Variants in DIAPH2 observed in about 807,000 individuals in gnomAD.
DIAPH2 encodes the protein protein diaphanous homolog 2.
In DIAPH2, 35 loss-of-function variants were observed where a neutral mutation model predicts 92.7. The observed-to-expected ratio is 0.38, with a 90% confidence interval of 0.29 to 0.50. DIAPH2 has a LOEUF of 0.50. Ranked by LOEUF, DIAPH2 falls within the 20% of genes least tolerant of loss-of-function variation. DIAPH2 has a pLI of 0.94. For synonymous variants in DIAPH2, 301 were observed against 280.4 expected, an observed-to-expected ratio of 1.07 and a Z score of -0.73; for missense variants, 701 against 819.5, an observed-to-expected ratio of 0.86 and a Z score of 1.77.
intron 26 of DIAPH2, among the ~76,000 whole-genome samples, chrX:97,509,727 C>A (rs1000867932): frequency 9.6e-6 from 1 of 104,341 alleles, no homozygotes; most frequent in African/African-American, 3.5e-5. Flanking sequence ...TCTCGTTGTT[C>A]AATTCCCATC....
intron 25 of DIAPH2, among the ~76,000 whole-genome samples, chrX:97,407,420 G>A (rs2069820987): frequency 1.8e-5 from 2 of 111,246 alleles, no homozygotes; most frequent in Admixed American, 9.6e-5. Context: ...TACACAATTT[G>A]CCTATTTGGA....
chrX:97,145,790 C>G (rs2067242753), intron 22 of DIAPH2, among the ~76,000 whole-genome samples: 1 of 110,327 alleles, frequency 9.1e-6, no homozygotes, highest in Non-Finnish European at 1.9e-5. Context: ...CACATTCTGC[C>G]TGCTTGCATC....
At chrX:96,901,261 A>G (rs2065391781) in intron 5 of DIAPH2, among the ~76,000 whole-genome samples, 1 of 110,255 alleles carries the variant, frequency 9.1e-6, no homozygotes, top group African/African-American at 3.3e-5. Context: ...AGGTCTTCAT[A>G]GTAGTCTTGA....
intron 17 of DIAPH2, among the ~76,000 whole-genome samples, chrX:97,061,296 A>G (rs1291672999): frequency 8.9e-6 from 1 of 112,256 alleles, no homozygotes; most frequent in East Asian, 2.8e-4. Flanking sequence ...CATGGTGTCC[A>G]AAAGCAATGA....
chrX:97,591,856 C>T (rs1431680234), intron 26 of DIAPH2, among the ~76,000 whole-genome samples: 1 of 112,186 alleles, frequency 8.9e-6, no homozygotes, highest in Non-Finnish European at 1.9e-5. Flanking sequence ...AAACATAATG[C>T]ATGGCTCATA....
intron 22 of DIAPH2, among the ~76,000 whole-genome samples, chrX:97,203,652 C>G (rs1178116421): frequency 9.0e-6 from 1 of 111,443 alleles, no homozygotes; most frequent in Non-Finnish European, 1.9e-5. Context: ...TAGACCAATA[C>G]CAAGTTCTGA....
chrX:97,590,922 G>T, intron 26 of DIAPH2, among the ~76,000 whole-genome samples: 1 of 111,837 alleles, frequency 8.9e-6, no homozygotes, highest in East Asian at 2.8e-4. Flanking sequence ...AAAATTACAT[G>T]TTTATTGAAA....
At chrX:97,451,984 A>C (rs753642933) in intron 26 of DIAPH2, among the ~76,000 whole-genome samples, 8 of 111,545 alleles carry the variant, frequency 7.2e-5, no homozygotes, top group African/African-American at 2.6e-4. Context: ...AAATTTTTGA[A>C]AGGAAAATTA....
chrX:97,463,532 A>G lies in DIAPH2; in HGVS notation c.3241+33787A>G, dbSNP rs113575062. Among the ~76,000 whole-genome samples, 362 of 109,740 alleles carry G rather than the reference A, an allele frequency of 3.3e-3. 3 individuals carry two copies. The highest frequency in any genetic ancestry group is 4.9e-3 in the Non-Finnish European group (259 of 52,669). On this transcript the variant is annotated intron_variant, in intron 26 of 26. Coordinates refer to ENST00000324765, the MANE Select transcript of DIAPH2 (RefSeq NM_006729.5). ...CAGCCCCCCAAGTAGCTGGGACTAT[A>G]GGCACACACTACCACACCTGGCTAA...
chrX:97,193,012 C>CTTTTCTTTTTTTTT lies in DIAPH2; in HGVS notation c.2719+51222_2719+51223insCTTTTTTTTTTTTT, dbSNP rs1256888466. On this transcript the variant is annotated intron_variant, in intron 22 of 26. Coordinates refer to ENST00000324765, the MANE Select transcript of DIAPH2 (RefSeq NM_006729.5). ...ATTTCTTTCTTTTTCTTTTTCTTTT[C>CTTTTCTTTTTTTTT]TTTTTTTTTTTTTTTTTTGAGACAG... Among the ~76,000 whole-genome samples the CTTTTCTTTTTTTTT allele has an allele frequency of 5.0e-4, 43 of 86,578 alleles. 1 individual carries two copies. The highest frequency in any genetic ancestry group is 2.0e-3 in the African/African-American group (39 of 19,773). 75.2% of individuals were successfully genotyped at this position (86,578 alleles called of 115,157 possible).
At chrX:96,847,057 C>T (rs1202757261) in intron 4 of DIAPH2, among the ~76,000 whole-genome samples, 1 of 111,223 alleles carries the variant, frequency 9.0e-6, no homozygotes, top group Non-Finnish European at 1.9e-5. Context: ...CTCCTTTGTC[C>T]CCATCCCCAC....
chrX:97,259,337 A>T (rs1378387313), intron 23 of DIAPH2, among the ~76,000 whole-genome samples: 1 of 111,673 alleles, frequency 9.0e-6, no homozygotes, highest in Non-Finnish European at 1.9e-5. Context: ...AAAAAAAAAG[A>T]TCAAAAATGT....
intron 22 of DIAPH2, among the ~76,000 whole-genome samples, chrX:97,237,910 A>G (rs555771903): frequency 8.9e-6 from 1 of 112,715 alleles, no homozygotes; most frequent in African/African-American, 3.2e-5. Context: ...TGACGAGAAC[A>G]AACCATTCCA....
At chrX:97,308,432 T>G (rs1222644828) in intron 23 of DIAPH2, among the ~76,000 whole-genome samples, 1 of 110,018 alleles carries the variant, frequency 9.1e-6, no homozygotes, top group African/African-American at 3.3e-5. Context: ...TTACTTTGCT[T>G]GCTATACTCC....
chrX:96,735,218 AATTT>A (rs1864514681), intron 1 of DIAPH2, among the ~76,000 whole-genome samples: 1 of 111,933 alleles, frequency 8.9e-6, no homozygotes, highest in African/African-American at 3.2e-5. Context: ...AAATATTTCT[AATTT>A]ATTTATAAGG....
chrX:97,515,819 A>G (rs1007693662), intron 26 of DIAPH2, among the ~76,000 whole-genome samples: 1 of 111,024 alleles, frequency 9.0e-6, no homozygotes, highest in Non-Finnish European at 1.9e-5. Flanking sequence ...CTGCTATTTT[A>G]TCAAATGCCA....
chrX:97,350,670 G>T, intron 24 of DIAPH2, among the ~76,000 whole-genome samples: 1 of 112,323 alleles, frequency 8.9e-6, no homozygotes, highest in Non-Finnish European at 1.9e-5. Context: ...GTCCTTTCTA[G>T]CTATCCATTT....
rs138258710 is a variant in DIAPH2 at position 97,031,711 on chromosome X, A to C, written c.2051-41230A>C. On this transcript the variant is annotated intron_variant, in intron 17 of 26. Coordinates refer to ENST00000324765, the MANE Select transcript of DIAPH2 (RefSeq NM_006729.5). ...TAGTGGGGAAGATAGATAGGTAATC[A>C]ATTATTATCATAACATGTGTAAATG... Among the ~76,000 whole-genome samples the C allele has an allele frequency of 9.1e-3, 1,015 of 111,587 alleles. 14 individuals carry two copies. Among genetic ancestry groups the C allele is most frequent in the African/African-American group, 0.032 (991 of 30,719 alleles).
intron 26 of DIAPH2, among the ~76,000 whole-genome samples, chrX:97,498,602 G>A (rs986025493): frequency 9.0e-6 from 1 of 111,494 alleles, no homozygotes; most frequent in African/African-American, 3.3e-5. Context: ...ATTATTTACA[G>A]AATATTCTGT....
Sources: gnomAD v4.1 joint callset for allele counts (sites outside exome capture counted in the v4.1 genomes callset) on GRCh38, gnomAD v4.1.1 for gene constraint, MANE v1.5 for transcripts, NCBI Gene and HGNC (gene_info 2026-07-23, HGNC 2026-07-21) for gene names.